The following SUGCT variants were observed in gnomAD, a reference collection of about 807,000 sequenced individuals.
The protein encoded by SUGCT is succinyl-CoA:glutarate-CoA transferase.
Under a neutral mutation model 55.0 loss-of-function variants are expected in SUGCT, and 41 were observed. The observed-to-expected ratio is 0.74, with a 90% CI of 0.58 to 0.97. The LOEUF (loss-of-function observed/expected upper bound fraction) is 0.97, where lower values mean the gene tolerates loss of function less well. Ranked by LOEUF, SUGCT falls within the 50% of genes least tolerant of loss-of-function variation. SUGCT has a pLI of 0.00. For missense variants in SUGCT, 568 were observed against 547.8 expected, an observed-to-expected ratio of 1.04 and a Z score of -0.37; for synonymous variants, 187 against 200.4, an observed-to-expected ratio of 0.93 and a Z score of 0.56.
intron 12 of SUGCT, among the ~76,000 whole-genome samples, chr7:40,623,786 C>T (rs912049496): frequency 1.3e-5 from 2 of 152,004 alleles, no homozygotes; most frequent in African/African-American, 2.4e-5. Context: ...GGATGGCATA[C>T]GAGAGAATTA....
rs1371562203 is a variant in SUGCT at position 40,274,765 on chromosome 7, CACA to C, written c.720+116_720+118del. The C allele has an allele frequency of 8.3e-6, 8 of 964,732 alleles. No homozygotes were observed. The African/African-American group carries it at 1.3e-4, about 16-fold the overall frequency. The allele number at this position is 964,732 out of a possible 1,614,324, so 59.8% of individuals were successfully genotyped here. A position where few individuals can be genotyped will look rare whatever the true frequency, so the allele number is the denominator to read the frequency against. On this transcript the variant is annotated intron_variant, in intron 8 of 13. Transcript: ENST00000335693. ...TGTACAAAAACAATACAAAAACCAACACAACAACACTGAAAACTGTTTCATTTT... is the reference window on the plus strand; with the variant it reads ...TGTACAAAAACAATACAAAAACCAACACAACACTGAAAACTGTTTCATTTT...
At chr7:40,919,468 G>T in the SUGCT span, among the ~76,000 whole-genome samples, 3 of 152,088 alleles carry the variant, frequency 2.0e-5, no homozygotes, top group Admixed American at 6.5e-5. Context: ...CCCAAACGGG[G>T]GGTTCTTAAT....
the SUGCT span, among the ~76,000 whole-genome samples, chr7:40,991,343 A>G: frequency 6.6e-6 from 1 of 152,200 alleles, no homozygotes; most frequent in Admixed American, 6.5e-5. Context: ...AAACAATTGC[A>G]ATAGTAACAT....
intron 12 of SUGCT, among the ~76,000 whole-genome samples, chr7:40,525,901 G>C (rs1793768910): frequency 2.0e-5 from 3 of 152,128 alleles, no homozygotes; most frequent in African/African-American, 7.2e-5. Context: ...GTTATGTGCT[G>C]GTCAGACTTG....
At chr7:40,443,660 C>T (rs910195363) in intron 9 of SUGCT, among the ~76,000 whole-genome samples, 2 of 152,146 alleles carry the variant, frequency 1.3e-5, no homozygotes, top group Non-Finnish European at 2.9e-5. Flanking sequence ...AATTTTCTCC[C>T]ATTGTGTAGG....
intron 1 of SUGCT, among the ~76,000 whole-genome samples, chr7:40,146,830 A>T (rs555353636): frequency 1.3e-5 from 2 of 152,342 alleles, no homozygotes; most frequent in South Asian, 4.1e-4. Context: ...ACAGACAACA[A>T]GGTGGTATTG....
chr7:40,220,879 A>G (rs1047810802), intron 6 of SUGCT, among the ~76,000 whole-genome samples: 2 of 152,196 alleles, frequency 1.3e-5, no homozygotes, highest in African/African-American at 2.4e-5. Flanking sequence ...TTATCTTACT[A>G]TTAGCTTAGC....
chr7:40,701,031 G>T (rs1157136635), intron 12 of SUGCT, among the ~76,000 whole-genome samples: 1 of 152,146 alleles, frequency 6.6e-6, no homozygotes, highest in Non-Finnish European at 1.5e-5. Flanking sequence ...CTTGGTAGTG[G>T]TCCTGCTGAA....
rs538560916 is a variant in SUGCT at position 40,685,059 on chromosome 7, G to T, written c.1090-64375G>T. On this transcript the variant is annotated intron_variant, in intron 12 of 13. Coordinates refer to ENST00000335693, the MANE Select transcript of SUGCT (RefSeq NM_001193313.2). ...TTCAGTAGAGATGGAGTTTTACCAT[G>T]TTGGTCAGGCTGGTCTCAAACTCCT... 5.3e-5 allele frequency among the ~76,000 whole-genome samples: 8 copies of T among 151,994 alleles called. No individual in the cohort carries two copies. In the South Asian group the frequency reaches 1.7e-3, roughly 32 times the overall value.
At chr7:40,732,320 A>G (rs1028242115) in intron 12 of SUGCT, among the ~76,000 whole-genome samples, 2 of 152,112 alleles carry the variant, frequency 1.3e-5, no homozygotes, top group African/African-American at 4.8e-5. Context: ...ACACTTGGTG[A>G]TGGCATTTGG....
In SUGCT at chr7:40,520,039, G is replaced by T. The variant is rs1238333660; in HGVS notation, c.1089+23653G>T. On this transcript the variant is annotated intron_variant, in intron 12 of 13. Coordinates refer to ENST00000335693, the MANE Select transcript of SUGCT (RefSeq NM_001193313.2). The stretch of plus-strand genomic sequence containing the variant: ...GACTATTTTAAAAAGAAGGTGGATA[G>T]CTTCTAAATTCAAAGTTTGAAAGAC... 2.0e-5 allele frequency among the ~76,000 whole-genome samples: 3 copies of T among 152,002 alleles called. No homozygotes were observed. The East Asian group carries it at 5.8e-4, about 29-fold the overall frequency.
intron 13 of SUGCT, among the ~76,000 whole-genome samples, chr7:40,774,489 C>T (rs943267792): frequency 2.6e-5 from 4 of 152,116 alleles, no homozygotes; most frequent in African/African-American, 9.7e-5. Context: ...ATAATGTTCT[C>T]ATTACTCATT....
At chr7:40,605,707 G>A (rs1798498156) in intron 12 of SUGCT, among the ~76,000 whole-genome samples, 1 of 152,170 alleles carries the variant, frequency 6.6e-6, no homozygotes, top group Non-Finnish European at 1.5e-5. Context: ...CACAGAGATG[G>A]GAATAACAAC....
At chr7:40,190,539 G>A (rs991424998) in intron 5 of SUGCT, among the ~76,000 whole-genome samples, 1 of 152,086 alleles carries the variant, frequency 6.6e-6, no homozygotes, top group Non-Finnish European at 1.5e-5. Context: ...GTGAGCCACC[G>A]CGCCCAGCCC....
At chr7:40,135,383 C>A (rs765746026) in intron 1 of SUGCT, among the ~76,000 whole-genome samples, 3 of 152,226 alleles carry the variant, frequency 2.0e-5, no homozygotes, top group Non-Finnish European at 4.4e-5. Context: ...TCCCGCGGCT[C>A]GCGTTTGGGG....
At chr7:40,626,336 A>G (rs1226129895) in intron 12 of SUGCT, among the ~76,000 whole-genome samples, 1 of 151,238 alleles carries the variant, frequency 6.6e-6, no homozygotes, top group Non-Finnish European at 1.5e-5. Context: ...GGCTCACTAC[A>G]ACCTCCGCCT....
the SUGCT span, among the ~76,000 whole-genome samples, chr7:41,024,660 GC>G: frequency 1.5e-5 from 1 of 68,242 alleles, no homozygotes. Context: ...CAACAATTTG[GC>G]AAAAAAAAAA....
chr7:40,445,280 A>T (rs538171165), intron 9 of SUGCT, among the ~76,000 whole-genome samples: 63 of 152,320 alleles, frequency 4.1e-4, no homozygotes, highest in Non-Finnish European at 7.2e-4. Flanking sequence ...AAAAGAGAAG[A>T]ATCAAATAGA....
In SUGCT at chr7:40,215,252, C is replaced by T. The variant is rs139151681; in HGVS notation, c.484+20192C>T. Among the ~76,000 whole-genome samples, 354 of 152,250 alleles carry T rather than the reference C, an allele frequency of 2.3e-3. 4 individuals are homozygous for T. Among genetic ancestry groups the T allele is most frequent in the African/African-American group, 7.8e-3 (324 of 41,578 alleles). Reference sequence around the variant, plus strand: ...TGAGCTCCTGGGCTCAAACGATCTTCCTACCTCGGCCTCCCAAGTAGCTGG... The same window carrying T: ...TGAGCTCCTGGGCTCAAACGATCTTTCTACCTCGGCCTCCCAAGTAGCTGG... On this transcript the variant is annotated intron_variant, in intron 6 of 13. Transcript: ENST00000335693.
Sources: allele counts gnomAD v4.1 joint callset (sites outside exome capture counted in the v4.1 genomes callset), GRCh38; gene constraint gnomAD v4.1.1; transcripts MANE v1.5; gene names NCBI Gene and HGNC (gene_info 2026-07-23, HGNC 2026-07-21).